ZHX2: variants seen among roughly 807,000 people sequenced by gnomAD.
ZHX2 encodes the protein zinc fingers and homeoboxes protein 2.
A neutral mutation model predicts 21.9 loss-of-function variants in ZHX2; 6 were observed. That is an observed-to-expected ratio of 0.27 (90% CI 0.15 to 0.54). The LOEUF (loss-of-function observed/expected upper bound fraction) is 0.54, where lower values mean the gene tolerates loss of function less well. ZHX2 is among the 20% of genes least tolerant of loss of function. The pLI is 0.95. For missense variants in ZHX2, 908 were observed against 1,090.7 expected, an observed-to-expected ratio of 0.83 and a Z score of 2.36; for synonymous variants, 434 against 437.1, an observed-to-expected ratio of 0.99 and a Z score of 0.09.
chr8:122,830,996 T>G (rs1397155100), intron 1 of ZHX2, among the ~76,000 whole-genome samples: 2 of 152,184 alleles, frequency 1.3e-5, no homozygotes, highest in East Asian at 3.9e-4. Flanking sequence ...GAGAACTTAC[T>G]TTATTCTTAA....
chr8:122,903,790 T>C (rs1159963210), intron 2 of ZHX2, among the ~76,000 whole-genome samples: 1 of 152,098 alleles, frequency 6.6e-6, no homozygotes, highest in Non-Finnish European at 1.5e-5. Context: ...TAGATAGATG[T>C]ATACAGGGAT....
chr8:122,871,383 A>G (rs1326084629), intron 2 of ZHX2, among the ~76,000 whole-genome samples: 2 of 151,932 alleles, frequency 1.3e-5, no homozygotes, highest in Non-Finnish European at 2.9e-5. Context: ...TTGTAGGGAC[A>G]TGGATGAAGC....
At chr8:122,788,998 C>T (rs971895268) in intron 1 of ZHX2, among the ~76,000 whole-genome samples, 3 of 152,174 alleles carry the variant, frequency 2.0e-5, no homozygotes, top group Admixed American at 6.5e-5. Context: ...AGGGGCATTG[C>T]GCCCTCCGCC....
chr8:122,945,211 G>C (rs1329578659), intron 2 of ZHX2, among the ~76,000 whole-genome samples: 1 of 152,034 alleles, frequency 6.6e-6, no homozygotes, highest in Non-Finnish European at 1.5e-5. Flanking sequence ...ACAGAGCTGT[G>C]GTGTCTTCAT....
intron 2 of ZHX2, among the ~76,000 whole-genome samples, chr8:122,875,310 A>G (rs1475616063): frequency 2.0e-5 from 3 of 151,562 alleles, no homozygotes; most frequent in Non-Finnish European, 4.4e-5. Flanking sequence ...TTGTATTTTT[A>G]AAGGGTTGTA....
intron 2 of ZHX2, among the ~76,000 whole-genome samples, chr8:122,903,888 A>G (rs755137730): frequency 1.3e-5 from 2 of 152,104 alleles, no homozygotes; most frequent in Non-Finnish European, 2.9e-5. Flanking sequence ...ATGAACCACC[A>G]CTTCCAAGAA....
intron 2 of ZHX2, among the ~76,000 whole-genome samples, chr8:122,924,919 T>C (rs746901157): frequency 1.3e-5 from 2 of 152,170 alleles, no homozygotes; most frequent in African/African-American, 2.4e-5. Context: ...GCTAATAATA[T>C]GGGAGAATTC....
At chr8:122,927,153 T>C (rs1232936125) in intron 2 of ZHX2, among the ~76,000 whole-genome samples, 1 of 152,148 alleles carries the variant, frequency 6.6e-6, no homozygotes, top group African/African-American at 2.4e-5. Context: ...ACATAGCGAA[T>C]GAATCAATAA....
At chr8:122,929,640 T>TAAA (rs754405611) in intron 2 of ZHX2, among the ~76,000 whole-genome samples, 6,626 of 136,372 alleles carry the variant, frequency 0.049, 217 homozygotes, top group Non-Finnish European at 0.079. Flanking sequence ...GACCATGTCT[T>TAAA]AAAAAAAAAA....
chr8:122,936,226 G>C (rs1236522588), intron 2 of ZHX2, among the ~76,000 whole-genome samples: 1 of 152,224 alleles, frequency 6.6e-6, no homozygotes, highest in African/African-American at 2.4e-5. Context: ...TTTTTGCAGG[G>C]AGGTGTTGAA....
chr8:122,796,841 C>T (rs1457879258), intron 1 of ZHX2, among the ~76,000 whole-genome samples: 3 of 152,178 alleles, frequency 2.0e-5, no homozygotes, highest in African/African-American at 4.8e-5. Flanking sequence ...TTTGAAAAAG[C>T]GGGAAAATGT....
At chr8:122,838,240 C>G (rs1818546579) in intron 1 of ZHX2, among the ~76,000 whole-genome samples, 2 of 152,164 alleles carry the variant, frequency 1.3e-5, no homozygotes, top group Non-Finnish European at 2.9e-5. Flanking sequence ...TCCTGGGTAT[C>G]AAGGAACGTT....
chr8:122,916,857 A>G (rs1317052783), intron 2 of ZHX2, among the ~76,000 whole-genome samples: 1 of 151,776 alleles, frequency 6.6e-6, no homozygotes, highest in African/African-American at 2.4e-5. Context: ...GTCTCCTGCC[A>G]CTGTCTCCTG....
chr8:122,831,171 TACAG>T (rs1039039650), intron 1 of ZHX2, among the ~76,000 whole-genome samples: 5 of 152,158 alleles, frequency 3.3e-5, no homozygotes, highest in Non-Finnish European at 7.4e-5. Context: ...CTGGAGAAAG[TACAG>T]ACAAAGACTA....
intron 1 of ZHX2, among the ~76,000 whole-genome samples, chr8:122,847,390 C>T (rs1818776831): frequency 6.6e-6 from 1 of 152,226 alleles, no homozygotes; most frequent in Non-Finnish European, 1.5e-5. Context: ...TGTCACCTTC[C>T]AGTCCTCCAC....
chr8:122,785,581 C>G (rs899467670), intron 1 of ZHX2, among the ~76,000 whole-genome samples: 1 of 152,212 alleles, frequency 6.6e-6, no homozygotes, highest in African/African-American at 2.4e-5. Context: ...GCTCATTGAC[C>G]AGAGCTGTGC....
chr8:122,891,629 T>A (rs779954565), intron 2 of ZHX2, among the ~76,000 whole-genome samples: 3 of 152,210 alleles, frequency 2.0e-5, no homozygotes, highest in Non-Finnish European at 2.9e-5. Context: ...TGTGTTTATG[T>A]TTTCATTTGG....
At chr8:122,970,014 G>A (rs1586434342) in intron 3 of ZHX2, among the ~76,000 whole-genome samples, 1 of 152,190 alleles carries the variant, frequency 6.6e-6, no homozygotes, top group African/African-American at 2.4e-5. Context: ...GAGGCAGTGG[G>A]TTCCTGTCCT....
intron 1 of ZHX2, among the ~76,000 whole-genome samples, chr8:122,838,790 TG>T (rs983033206): frequency 6.6e-6 from 1 of 152,102 alleles, no homozygotes; most frequent in African/African-American, 2.4e-5. Context: ...TTGGCCAGGC[TG>T]GTCTGGAACT....
Sources: allele counts gnomAD v4.1 joint callset (sites outside exome capture counted in the v4.1 genomes callset), GRCh38; gene constraint gnomAD v4.1.1; transcripts MANE v1.5; gene names NCBI Gene and HGNC (gene_info 2026-07-23, HGNC 2026-07-21).